The following ERC1 variants were observed in gnomAD, a reference collection of about 807,000 sequenced individuals.
The protein encoded by ERC1 is ELKS/RAB6-interacting/CAST family member 1, also known as RAB6 interacting protein 2.
In ERC1, 56 loss-of-function variants were observed where a neutral mutation model predicts 132.0. The ratio of observed to expected loss-of-function variants is 0.42; its 90% CI spans 0.34 to 0.53. ERC1 has a LOEUF of 0.53. ERC1 is among the 20% of genes least tolerant of loss of function. The probability of loss-of-function intolerance (pLI) is 0.03; values close to 1 mark genes in which losing one functional copy is unlikely to be tolerated. For synonymous variants in ERC1, 478 were observed against 476.1 expected (o/e 1.00, Z -0.05); for missense variants, 1,202 against 1,349.9 (o/e 0.89, Z 1.72).
intron 6 of ERC1, among the ~76,000 whole-genome samples, chr12:1,113,688 G>A (rs1217778945): frequency 1.3e-5 from 2 of 152,180 alleles, no homozygotes; most frequent in African/African-American, 4.8e-5. Flanking sequence ...TTGGCTAGAG[G>A]GAAGGTTGAT....
intron 15 of ERC1, among the ~76,000 whole-genome samples, chr12:1,356,704 C>A (rs2085576667): frequency 6.6e-6 from 1 of 152,164 alleles, no homozygotes; most frequent in Admixed American, 6.5e-5. Flanking sequence ...TTCTGTCTGG[C>A]ATTTGGCAAG....
intron 15 of ERC1, among the ~76,000 whole-genome samples, chr12:1,369,780 T>G (rs935462903): frequency 6.6e-6 from 1 of 152,230 alleles, no homozygotes; most frequent in Non-Finnish European, 1.5e-5. Context: ...TGCCATTTCT[T>G]AGAATTACGT....
intron 8 of ERC1, among the ~76,000 whole-genome samples, chr12:1,150,909 A>T (rs1950774635): frequency 6.6e-6 from 1 of 152,222 alleles, no homozygotes; most frequent in Non-Finnish European, 1.5e-5. Context: ...CAGCAGACAG[A>T]AACTAAGGAA....
At chr12:1,466,399 C>G (rs761649917) in intron 18 of ERC1, among the ~76,000 whole-genome samples, 1 of 152,144 alleles carries the variant, frequency 6.6e-6, no homozygotes, top group Non-Finnish European at 1.5e-5. Flanking sequence ...TTTAAAGGCC[C>G]TGTCTCCAAA....
chr12:1,093,767 C>T lies in ERC1; in HGVS notation c.1086+10187C>T, dbSNP rs1292408931. Among the ~76,000 whole-genome samples, 6 of 151,130 alleles carry T rather than the reference C, an allele frequency of 4.0e-5. No homozygotes were observed. In the Admixed American group the frequency reaches 4.0e-4, roughly 10 times the overall value. On this transcript the variant is annotated intron_variant, in intron 3 of 18. Transcript: ENST00000360905. ...TGAATATGTTCTAGGCTAGGGAATT[C>T]TGAATCTAACTAGCATATCTGAGGA...
In ERC1 at chr12:1,308,210, GTTA is replaced by G. The variant is rs60804477; in HGVS notation, c.2780+18219_2780+18221del. On this transcript the variant is annotated intron_variant, in intron 15 of 18. Coordinates refer to ENST00000360905, the MANE Select transcript of ERC1 (RefSeq NM_178040.4). ...TGTTTCTTCTTTAGCTGTTACTATT[GTTA>G]TTATTATTATTATTATTATTTGCAT... Among the ~76,000 whole-genome samples the G allele has an allele frequency of 8.0e-4, 120 of 150,106 alleles. 1 individual carries two copies. The highest frequency in any genetic ancestry group is 2.9e-3 in the East Asian group (15 of 5,136).
intron 15 of ERC1, among the ~76,000 whole-genome samples, chr12:1,362,127 C>A (rs2086182692): frequency 6.6e-6 from 1 of 152,176 alleles, no homozygotes; most frequent in Admixed American, 6.5e-5. Flanking sequence ...ATATCTCATT[C>A]TTGAACAAAT....
At chr12:1,369,739 T>G (rs967399027) in intron 15 of ERC1, among the ~76,000 whole-genome samples, 1 of 152,226 alleles carries the variant, frequency 6.6e-6, no homozygotes, top group African/African-American at 2.4e-5. Context: ...ATCCCTTTAG[T>G]GTTGACTGGA....
At chr12:1,408,307 T>G in intron 17 of ERC1, 60 bp downstream of exon 17, 3 of 1,259,380 alleles carry the variant, frequency 2.4e-6, no homozygotes, top group South Asian at 2.6e-5. Context: ...TGAAATGTTT[T>G]TGTACTAGCA....
At chr12:1,433,450 G>A (rs2092858752) in intron 17 of ERC1, among the ~76,000 whole-genome samples, 1 of 152,174 alleles carries the variant, frequency 6.6e-6, no homozygotes, top group African/African-American at 2.4e-5. Context: ...GACAGAATGC[G>A]CTAATGAAGT....
intron 15 of ERC1, among the ~76,000 whole-genome samples, chr12:1,341,712 A>G (rs2083916990): frequency 6.6e-6 from 1 of 152,136 alleles, no homozygotes; most frequent in Admixed American, 6.5e-5. Context: ...ACTAATGTAA[A>G]TGAAGAGTTG....
intron 1 of ERC1, among the ~76,000 whole-genome samples, chr12:1,002,879 T>A (rs1962677297): frequency 6.6e-6 from 1 of 152,028 alleles, no homozygotes; most frequent in South Asian, 2.1e-4. Context: ...GAGTTCCTTA[T>A]ATATTTTGGA....
At chr12:1,287,899 G>A (rs1437239490) in intron 14 of ERC1, among the ~76,000 whole-genome samples, 6 of 152,174 alleles carry the variant, frequency 3.9e-5, no homozygotes, top group East Asian at 3.8e-4. Flanking sequence ...ACAATACCAA[G>A]CATTTATTTC....
intron 2 of ERC1, among the ~76,000 whole-genome samples, chr12:1,061,616 A>G (rs1036635785): frequency 2.0e-4 from 31 of 152,210 alleles, no homozygotes; most frequent in African/African-American, 3.6e-4. Flanking sequence ...AACAGCAGCA[A>G]CAACAACAAG....
intron 15 of ERC1, among the ~76,000 whole-genome samples, chr12:1,294,483 C>T (rs1278369936): frequency 6.6e-6 from 1 of 152,140 alleles, no homozygotes. Flanking sequence ...AATTCTTTCT[C>T]TCTCTCTATC....
At chr12:1,487,280 T>C (rs1384229351) in intron 18 of ERC1, among the ~76,000 whole-genome samples, 2 of 152,006 alleles carry the variant, frequency 1.3e-5, no homozygotes, top group African/African-American at 4.8e-5. Context: ...CTCTTTGATA[T>C]ATTTAAGAAG....
At position 1,100,148 on chromosome 12, in the gene ERC1, G is replaced by A. The variant is rs561965070; in HGVS notation, c.1087-4602G>A. Among the ~76,000 whole-genome samples, 99 of 152,130 alleles carry A rather than the reference G, an allele frequency of 6.5e-4. 1 individual carries two copies. The highest frequency in any genetic ancestry group is 2.4e-3 in the Admixed American group (36 of 15,266). ...CAGGCATGAACCACCGCTCCCAGCC[G>A]AGACTTTGACTTTTGAACAGACTTC... On this transcript the variant is annotated intron_variant, in intron 3 of 18. Coordinates refer to ENST00000360905, the MANE Select transcript of ERC1 (RefSeq NM_178040.4).
chr12:1,408,140 T>C lies in ERC1; in HGVS notation c.2926-9T>C. The C allele has an allele frequency of 6.2e-7, 1 of 1,606,908 alleles. No homozygotes were observed. The highest frequency in any genetic ancestry group is 8.5e-7 in the Non-Finnish European group (1 of 1,173,586). On this transcript the variant is annotated splice_polypyrimidine_tract_variant and intron_variant, in intron 16 of 18. Transcript: ENST00000360905. ...CTTAAATTTAACCTTATGAATAATTTCTTCCTAGACGCAAAATCGAATGAA... is the reference window on the plus strand; with the variant it reads ...CTTAAATTTAACCTTATGAATAATTCCTTCCTAGACGCAAAATCGAATGAA...
intron 15 of ERC1, among the ~76,000 whole-genome samples, chr12:1,345,412 T>G (rs2084357826): frequency 6.6e-6 from 1 of 152,118 alleles, no homozygotes; most frequent in South Asian, 2.1e-4. Context: ...CTCAATCTCC[T>G]GATCTCGTGA....
Sources: allele counts gnomAD v4.1 joint callset (sites outside exome capture counted in the v4.1 genomes callset), GRCh38; gene constraint gnomAD v4.1.1; transcripts MANE v1.5; gene names NCBI Gene and HGNC (gene_info 2026-07-23, HGNC 2026-07-21).